MTUS1: variants seen among roughly 807,000 people sequenced by gnomAD.
MTUS1 encodes the protein microtubule associated scaffold protein 1.
Under a neutral mutation model 120.8 loss-of-function variants are expected in MTUS1, and 109 were observed. The observed-to-expected ratio is 0.90, with a 90% CI of 0.77 to 1.06. MTUS1 has a LOEUF of 1.06. Ranked by LOEUF, MTUS1 falls within the 50% of genes least tolerant of loss-of-function variation. MTUS1 has a pLI of 0.00. For synonymous variants in MTUS1, 737 were observed against 550.5 expected, an observed-to-expected ratio of 1.34 and a Z score of -4.74; for missense variants, 2,210 against 1,486.3, an observed-to-expected ratio of 1.49 and a Z score of -8.01.
In MTUS1 at chr8:17,643,858, A is replaced by G. The variant is rs561663486; in HGVS notation, c.*2068T>C. On this transcript the variant is annotated 3_prime_UTR_variant, in exon 15 of 15. Transcript: ENST00000693296. ...AGTAAAATACACTTCCCATCACTAC[A>G]AACTGAGCACAACTACAGTTGTCTA... 6.6e-6 allele frequency: 1 copy of G among 152,358 alleles called. No individual in the cohort carries two copies. Among genetic ancestry groups the G allele is most frequent in the Admixed American group, 6.5e-5 (1 of 15,306 alleles). 9.4% of individuals were successfully genotyped at this position (152,358 alleles called of 1,614,324 possible).
Position 17,715,894 on chromosome 8 carries a change from A to G in MTUS1, c.2457T>C (p.Asn819=), listed in dbSNP as rs772800624. ...ELSTYSNNSG[N]AAVIKYEEKP... is the part of the protein sequence containing the mutation. ...TCTCCTCATATTTGATGACAGCGGC[A>G]TTACCAGCTGTAATAAAACAGAAAA... is the stretch of plus-strand genomic sequence containing the variant. The change falls in exon 5 of 15, where the codon AAT becomes AAC. Residue 819 remains asparagine, a synonymous_variant. Transcript: ENST00000693296. The G allele has an allele frequency of 4.3e-6, 7 of 1,611,250 alleles. No individual in the cohort carries two copies. The highest frequency in any genetic ancestry group is 1.7e-4 in the Middle Eastern group (1 of 6,034).
At chr8:17,758,766 A>G (rs377248457) in intron 1 of MTUS1, among the ~76,000 whole-genome samples, 35 of 152,362 alleles carry the variant, frequency 2.3e-4, no homozygotes, top group African/African-American at 7.9e-4. Flanking sequence ...TTTGTAAATA[A>G]TTGTTAGCTT....
Position 17,645,654 on chromosome 8 carries a change from C to T in MTUS1, c.*272G>A, listed in dbSNP as rs188885560. The T allele has an allele frequency of 1.1e-4, 35 of 324,284 alleles. No individual in the cohort carries two copies. Among genetic ancestry groups the T allele is most frequent in the African/African-American group, 5.8e-4 (27 of 46,852 alleles). The allele number at this position is 324,284 out of a possible 1,614,324, so 20.1% of individuals were successfully genotyped here. On this transcript the variant is annotated 3_prime_UTR_variant, in exon 15 of 15. Transcript: ENST00000693296. ...AAAAAGGCAATGAACAAGATGCTCT[C>T]GTTCTTTAAGTGCTTTGTGCAACAA...
At position 17,755,963 on chromosome 8, in the gene MTUS1, T is replaced by C; in HGVS notation, c.-154-2A>G. The C allele has an allele frequency of 7.1e-7, 1 of 1,415,856 alleles. No individual in the cohort carries two copies. Among genetic ancestry groups the C allele is most frequent in the Non-Finnish European group, 9.2e-7 (1 of 1,091,190 alleles). The allele number at this position is 1,415,856 out of a possible 1,614,324, so 87.7% of individuals were successfully genotyped here. A position where few individuals can be genotyped will look rare whatever the true frequency, so the allele number is the denominator to read the frequency against. ...GAAGATTAAATGATTTGTTGTTCCCTGGAAGAAATAAAATGTTTAACTCAA... is the reference window on the plus strand; with the variant it reads ...GAAGATTAAATGATTTGTTGTTCCCCGGAAGAAATAAAATGTTTAACTCAA... On this transcript the variant is annotated splice_acceptor_variant, in intron 1 of 14. Transcript: ENST00000693296. LOFTEE classifies it low-confidence loss of function (5UTR_SPLICE).
intron 1 of MTUS1, among the ~76,000 whole-genome samples, chr8:17,779,391 T>C (rs953232856): frequency 6.6e-6 from 1 of 152,170 alleles, no homozygotes; most frequent in African/African-American, 2.4e-5. Flanking sequence ...TTGTCAATAT[T>C]TCAAAAATGA....
intron 6 of MTUS1, among the ~76,000 whole-genome samples, chr8:17,712,493 C>T (rs892078645): frequency 6.6e-6 from 1 of 152,058 alleles, no homozygotes; most frequent in Non-Finnish European, 1.5e-5. Flanking sequence ...CGTACCACCA[C>T]GTCCGGCAAA....
chr8:17,676,594 G>C (rs866913297), intron 7 of MTUS1: 1 of 479,350 alleles, frequency 2.1e-6, no homozygotes, highest in African/African-American at 2.0e-5. Flanking sequence ...TATGAAAAAC[G>C]AGAGGCAGGC....
chr8:17,684,303 C>T, intron 7 of MTUS1, 25 bp downstream of exon 7: 1 of 1,578,390 alleles, frequency 6.3e-7, no homozygotes, highest in East Asian at 2.2e-5. Flanking sequence ...AGTAGAAAGG[C>T]TCTTTCTAGG....
chr8:17,740,940 A>G (rs1272498685), intron 3 of MTUS1, among the ~76,000 whole-genome samples: 1 of 152,060 alleles, frequency 6.6e-6, no homozygotes, highest in Non-Finnish European at 1.5e-5. Context: ...ATCTCGGCTC[A>G]CTGCAACCTC....
chr8:17,761,129 CTAAGGATTTA>C (rs2049008656), intron 1 of MTUS1, among the ~76,000 whole-genome samples: 1 of 151,696 alleles, frequency 6.6e-6, no homozygotes, highest in Non-Finnish European at 1.5e-5. Flanking sequence ...ATATATTTCC[CTAAGGATTTA>C]TAAGGATTAA....
chr8:17,653,323 C>G, intron 11 of MTUS1, 42 bp from the exon 12 acceptor site: 2 of 1,488,792 alleles, frequency 1.3e-6, no homozygotes, highest in East Asian at 2.4e-5. Flanking sequence ...AACAAGAAAA[C>G]CCCAGAAACT....
intron 4 of MTUS1, among the ~76,000 whole-genome samples, chr8:17,719,584 T>C (rs934309599): frequency 2.6e-5 from 4 of 152,174 alleles, no homozygotes; most frequent in African/African-American, 7.2e-5. Context: ...TGGAGCCTAA[T>C]GAATCTACCG....
intron 4 of MTUS1, among the ~76,000 whole-genome samples, chr8:17,720,044 A>G (rs1427944818): frequency 1.3e-5 from 2 of 152,174 alleles, no homozygotes; most frequent in Non-Finnish European, 2.9e-5. Flanking sequence ...AACATGAGTT[A>G]GTAGGAAAAC....
At position 17,724,533 on chromosome 8, in the gene MTUS1, T is replaced by C. The variant is rs1233124313; in HGVS notation, c.2288-700A>G. ...CTTTTCTTCTTTACTCCCCACACAG[T>C]TTATTTGCCAAACTTAAATGATCTT... On this transcript the variant is annotated intron_variant, in intron 3 of 14. Transcript: ENST00000693296. Among the ~76,000 whole-genome samples, 5 of 152,266 alleles carry C rather than the reference T, an allele frequency of 3.3e-5. No homozygotes were observed. The East Asian group carries it at 7.7e-4, about 24-fold the overall frequency.
intron 1 of MTUS1, among the ~76,000 whole-genome samples, chr8:17,787,699 A>C (rs1281837487): frequency 6.6e-6 from 1 of 152,242 alleles, no homozygotes; most frequent in Non-Finnish European, 1.5e-5. Flanking sequence ...GAGTTAAATA[A>C]AATTTTTGGA....
chr8:17,656,565 C>CA (rs1171969687), intron 8 of MTUS1, among the ~76,000 whole-genome samples: 1 of 130,140 alleles, frequency 7.7e-6, no homozygotes, highest in Non-Finnish European at 1.6e-5. Context: ...ACCCCACATT[C>CA]AAAAAACTGA....
intron 3 of MTUS1, 22 bp downstream of exon 3, chr8:17,743,582 T>C (rs1244688926): frequency 1.7e-5 from 28 of 1,600,618 alleles, no homozygotes; most frequent in Non-Finnish European, 2.3e-5. Context: ...ACTCATAAAC[T>C]ATTGAACTAT....
At chr8:17,795,790 C>T (rs193002989) in intron 1 of MTUS1, among the ~76,000 whole-genome samples, 139 of 151,808 alleles carry the variant, frequency 9.2e-4, no homozygotes, top group South Asian at 4.0e-3. Context: ...AAGCACCCAC[C>T]ACCACACCAG....
chr8:17,647,458 GA>G (rs112070816), intron 13 of MTUS1, among the ~76,000 whole-genome samples: 1,502 of 135,864 alleles, frequency 0.011, 12 homozygotes, highest in African/African-American at 0.025. Context: ...AATTTTGCTG[GA>G]AAAAAAAAAA....
Sources: allele counts gnomAD v4.1 joint callset (sites outside exome capture counted in the v4.1 genomes callset), GRCh38; gene constraint gnomAD v4.1.1; transcripts MANE v1.5; gene names NCBI Gene and HGNC (gene_info 2026-07-23, HGNC 2026-07-21).